SLC24A3: variants seen among roughly 807,000 people sequenced by gnomAD.
SLC24A3 encodes the protein sodium/potassium/calcium exchanger 3.
A neutral mutation model predicts 75.8 loss-of-function variants in SLC24A3; 28 were observed. That is an observed-to-expected ratio of 0.37 (90% CI 0.27 to 0.51). The LOEUF (loss-of-function observed/expected upper bound fraction) is 0.51. Ranked by LOEUF, SLC24A3 falls within the 20% of genes least tolerant of loss-of-function variation. SLC24A3 has a pLI of 0.94. For missense variants in SLC24A3, 663 were observed against 847.8 expected (o/e 0.78, Z 2.71); for synonymous variants, 372 against 334.1 (o/e 1.11, Z -1.24).
chr20:19,403,384 A>G (rs1986585929), intron 2 of SLC24A3, among the ~76,000 whole-genome samples: 1 of 152,206 alleles, frequency 6.6e-6, no homozygotes, highest in Non-Finnish European at 1.5e-5. Context: ...ATAAAAGTCA[A>G]TGAATTTTCT....
At chr20:19,270,005 T>C (rs1327375461) in intron 1 of SLC24A3, among the ~76,000 whole-genome samples, 1 of 152,180 alleles carries the variant, frequency 6.6e-6, no homozygotes, top group Non-Finnish European at 1.5e-5. Flanking sequence ...ATTCCTACGA[T>C]TTCTCTTCCA....
At chr20:19,471,355 C>G (rs144667374) in intron 2 of SLC24A3, among the ~76,000 whole-genome samples, 2 of 152,280 alleles carry the variant, frequency 1.3e-5, no homozygotes, top group African/African-American at 4.8e-5. Context: ...TCAGCCTTAA[C>G]GAATATACTA....
chr20:19,670,034 C>T (rs1421998030), intron 8 of SLC24A3, among the ~76,000 whole-genome samples: 1 of 152,144 alleles, frequency 6.6e-6, no homozygotes, highest in Non-Finnish European at 1.5e-5. Flanking sequence ...CCAAGGAGGG[C>T]CGGGTGACTT....
At chr20:19,665,327 G>A (rs2032385432) in intron 7 of SLC24A3, among the ~76,000 whole-genome samples, 1 of 152,010 alleles carries the variant, frequency 6.6e-6, no homozygotes, top group South Asian at 2.1e-4. Flanking sequence ...ACTTCTGGTT[G>A]TGATGTGAAG....
chr20:19,664,444 A>G (rs925551268), intron 7 of SLC24A3, among the ~76,000 whole-genome samples: 2 of 152,222 alleles, frequency 1.3e-5, no homozygotes, highest in African/African-American at 4.8e-5. Context: ...CACATTTCCA[A>G]TGGCTTGTTG....
intron 2 of SLC24A3, among the ~76,000 whole-genome samples, chr20:19,489,467 T>C (rs1988175074): frequency 6.6e-6 from 1 of 152,258 alleles, no homozygotes; most frequent in South Asian, 2.1e-4. Flanking sequence ...TGTTTATAGT[T>C]GATGAATCAT....
intron 15 of SLC24A3, 26 bp downstream of exon 15, chr20:19,698,706 C>T (rs1467378485): frequency 2.0e-6 from 3 of 1,523,780 alleles, no homozygotes; most frequent in East Asian, 2.4e-5. Context: ...CAGGACTTCT[C>T]CTGAAATCCA....
intron 2 of SLC24A3, among the ~76,000 whole-genome samples, chr20:19,463,879 A>T (rs532510061): frequency 6.6e-6 from 1 of 152,300 alleles, no homozygotes; most frequent in East Asian, 1.9e-4. Context: ...GGGCTTTCCC[A>T]AGATTGCTGG....
Position 19,580,065 on chromosome 20 carries a change from G to C in SLC24A3, c.414G>C (p.Lys138Asn), listed in dbSNP as rs376578374. ...ACTTCTTCGTCCCTTCCTTGGAAAAGATCTGTGAGGTACGTGCCTCACATT... is the reference window on the plus strand; with the variant it reads ...ACTTCTTCGTCCCTTCCTTGGAAAACATCTGTGAGGTACGTGCCTCACATT... ...CDDFFVPSLE[K>N]ICERLHLSED... Residue 138 changes from lysine (K) to asparagine (N), a missense_variant, in exon 4 of 17, where the codon AAG becomes AAC. Lys to Asn is a moderately conservative substitution (Grantham distance 94). This residue lies in a region of SLC24A3 where 510 missense variants were observed against 703.6 expected (regional missense o/e 0.72). Coordinates refer to ENST00000328041, the MANE Select transcript of SLC24A3 (RefSeq NM_020689.4). The C allele has an allele frequency of 6.2e-7, 1 of 1,613,526 alleles. No individual in the cohort carries two copies. The highest frequency in any genetic ancestry group is 2.2e-5 in the East Asian group (1 of 44,874).
At chr20:19,573,731 A>G (rs1009623613) in intron 3 of SLC24A3, among the ~76,000 whole-genome samples, 2 of 152,186 alleles carry the variant, frequency 1.3e-5, no homozygotes, top group African/African-American at 4.8e-5. Context: ...TGCACGCCGG[A>G]AGATAGGGTG....
At chr20:19,316,769 T>C (rs1984597193) in intron 2 of SLC24A3, among the ~76,000 whole-genome samples, 1 of 152,228 alleles carries the variant, frequency 6.6e-6, no homozygotes, top group Non-Finnish European at 1.5e-5. Context: ...TCTTTAAGTG[T>C]TCCCAATTAA....
chr20:19,432,501 G>A (rs1225868898), intron 2 of SLC24A3, among the ~76,000 whole-genome samples: 1 of 152,064 alleles, frequency 6.6e-6, no homozygotes, highest in African/African-American at 2.4e-5. Context: ...ATGACCCCAT[G>A]GAGAATTCCA....
intron 2 of SLC24A3, among the ~76,000 whole-genome samples, chr20:19,391,573 A>T (rs547168553): frequency 6.6e-6 from 1 of 152,316 alleles, no homozygotes; most frequent in East Asian, 1.9e-4. Context: ...GACTTCCTGA[A>T]TCAGAACCTC....
chr20:19,369,125 T>C (rs1985946715), intron 2 of SLC24A3, among the ~76,000 whole-genome samples: 1 of 152,220 alleles, frequency 6.6e-6, no homozygotes, highest in African/African-American at 2.4e-5. Context: ...TTTACATAGT[T>C]TCAAACTATA....
At chr20:19,223,738 A>G (rs753110519) in intron 1 of SLC24A3, among the ~76,000 whole-genome samples, 1 of 152,204 alleles carries the variant, frequency 6.6e-6, no homozygotes, top group Non-Finnish European at 1.5e-5. Context: ...GTGAGATGAT[A>G]CAGGGCCTAC....
In SLC24A3 at chr20:19,295,686, G is replaced by A. The variant is rs567289033; in HGVS notation, c.271+14599G>A. On this transcript the variant is annotated intron_variant, in intron 2 of 16. Coordinates refer to ENST00000328041, the MANE Select transcript of SLC24A3 (RefSeq NM_020689.4). ...GACTTGCATATGTTGAACCAGCCTT[G>A]CATCAGGGATGAAGCTGAATTGATC... Among the ~76,000 whole-genome samples, 15 of 152,308 alleles carry A rather than the reference G, an allele frequency of 9.8e-5. No individual in the cohort carries two copies. The East Asian group carries it at 2.9e-3, about 29-fold the overall frequency.
intron 3 of SLC24A3, among the ~76,000 whole-genome samples, chr20:19,561,299 G>A (rs987250699): frequency 6.6e-6 from 1 of 152,182 alleles, no homozygotes; most frequent in Non-Finnish European, 1.5e-5. Context: ...CCGCTTTTCA[G>A]TTGTAATTAA....
chr20:19,280,458 G>A (rs1983624892), intron 1 of SLC24A3, among the ~76,000 whole-genome samples: 1 of 152,108 alleles, frequency 6.6e-6, no homozygotes. Context: ...TCGGTGGGCT[G>A]GAGCCAGCTC....
At chr20:19,218,403 A>T (rs2122128290) in intron 1 of SLC24A3, among the ~76,000 whole-genome samples, 1 of 152,286 alleles carries the variant, frequency 6.6e-6, no homozygotes, top group African/African-American at 2.4e-5. Context: ...ACCCAAGTCC[A>T]CCTACATCAG....
Sources: allele counts gnomAD v4.1 joint callset (sites outside exome capture counted in the v4.1 genomes callset), GRCh38; gene constraint gnomAD v4.1.1; regional missense constraint gnomAD v4.1.1; transcripts MANE v1.5; gene names NCBI Gene and HGNC (gene_info 2026-07-23, HGNC 2026-07-21).